Variants in NTM observed in about 807,000 individuals in gnomAD.
NTM encodes IgLON family member 2.
Under a neutral mutation model 42.1 loss-of-function variants are expected in NTM, and 13 were observed. That is an observed-to-expected ratio of 0.31 (90% CI 0.20 to 0.49). The LOEUF (loss-of-function observed/expected upper bound fraction) is 0.49. NTM is among the 20% of genes least tolerant of loss of function. The probability of loss-of-function intolerance (pLI) is 0.99; values close to 1 mark genes in which losing one functional copy is unlikely to be tolerated. For missense variants in NTM, 373 were observed against 452.8 expected, an observed-to-expected ratio of 0.82 and a Z score of 1.60; for synonymous variants, 187 against 179.2, an observed-to-expected ratio of 1.04 and a Z score of -0.35.
chr11:132,314,250 CT>C (rs2095363997), intron 6 of NTM, among the ~76,000 whole-genome samples: 1 of 152,198 alleles, frequency 6.6e-6, no homozygotes, highest in African/African-American at 2.4e-5. Flanking sequence ...TGCCACACAG[CT>C]GGCAGGGGTT....
At chr11:132,297,564 C>T (rs1035886575) in intron 4 of NTM, among the ~76,000 whole-genome samples, 2 of 152,186 alleles carry the variant, frequency 1.3e-5, no homozygotes, top group Non-Finnish European at 2.9e-5. Context: ...CTCCCCAGAT[C>T]GATATATCTA....
intron 1 of NTM, among the ~76,000 whole-genome samples, chr11:131,780,567 A>T (rs951769972): frequency 6.6e-6 from 1 of 152,198 alleles, no homozygotes; most frequent in Admixed American, 6.5e-5. Flanking sequence ...TTATCAGAAG[A>T]CATGAGAGCG....
At chr11:132,251,564 G>A (rs992561808) in intron 4 of NTM, among the ~76,000 whole-genome samples, 57 of 152,278 alleles carry the variant, frequency 3.7e-4, no homozygotes, top group African/African-American at 1.3e-3. Flanking sequence ...TGAGGAAAGG[G>A]CAAGGCATGT....
rs1044795402 is a variant in NTM, at chr11:131,909,475, A to G, written c.83-2089A>G. Among the ~76,000 whole-genome samples, 4 of 152,334 alleles carry G rather than the reference A, an allele frequency of 2.6e-5. No homozygotes were observed. In the East Asian group the frequency reaches 7.7e-4, roughly 29 times the overall value. On this transcript the variant is annotated intron_variant, in intron 1 of 8. Coordinates refer to ENST00000683400, the MANE Select transcript of NTM (RefSeq NM_001352005.2). ...AACAGTTGTTAACAACAACAACAAC[A>G]AAAAGCTTCCTGGTTGTGTTTGATA...
intron 4 of NTM, among the ~76,000 whole-genome samples, chr11:132,285,930 A>G (rs929756543): frequency 2.0e-5 from 3 of 152,180 alleles, no homozygotes; most frequent in African/African-American, 7.2e-5. Flanking sequence ...TGGCTGCATC[A>G]TGAGAAAAAT....
At chr11:131,742,675 G>T (rs867463995) in intron 1 of NTM, among the ~76,000 whole-genome samples, 11 of 152,274 alleles carry the variant, frequency 7.2e-5, no homozygotes, top group African/African-American at 2.4e-4. Flanking sequence ...AATAGGGAAA[G>T]TCTGGTAAAC....
At chr11:131,889,406 C>T (rs2050906077) in intron 1 of NTM, among the ~76,000 whole-genome samples, 1 of 152,220 alleles carries the variant, frequency 6.6e-6, no homozygotes, top group African/African-American at 2.4e-5. Context: ...TGGCCTCACA[C>T]ATCACGCCTG....
intron 1 of NTM, among the ~76,000 whole-genome samples, chr11:131,420,449 T>G (rs1947386780): frequency 6.6e-6 from 1 of 152,206 alleles, no homozygotes; most frequent in Non-Finnish European, 1.5e-5. Flanking sequence ...CCTCGGCATT[T>G]CAGAACCGTA....
Position 131,494,175 on chromosome 11 carries a change from GTTA to G in NTM, c.82+123299_82+123301del, listed in dbSNP as rs904957547. 2.8e-3 allele frequency among the ~76,000 whole-genome samples: 421 copies of G among 152,104 alleles called. 4 individuals carry two copies. The highest frequency in any genetic ancestry group is 8.9e-3 in the African/African-American group (371 of 41,496). On this transcript the variant is annotated intron_variant, in intron 1 of 8. Transcript: ENST00000683400. ...AAAATGTAAACAAATTGTTACTATT[GTTA>G]TTATTATTATTTTCATCATCAGTTT...
chr11:131,485,952 A>G (rs1371033005), intron 1 of NTM, among the ~76,000 whole-genome samples: 1 of 152,126 alleles, frequency 6.6e-6, no homozygotes, highest in Non-Finnish European at 1.5e-5. Context: ...CCTTGGGCAA[A>G]TTATTTCTTT....
chr11:131,869,649 A>G (rs2047574889), intron 1 of NTM, among the ~76,000 whole-genome samples: 1 of 152,264 alleles, frequency 6.6e-6, no homozygotes, highest in Non-Finnish European at 1.5e-5. Flanking sequence ...ATAGACTTTT[A>G]GAAACAGAAG....
At chr11:131,694,221 G>A (rs1250202256) in intron 1 of NTM, among the ~76,000 whole-genome samples, 1 of 152,212 alleles carries the variant, frequency 6.6e-6, no homozygotes, top group Non-Finnish European at 1.5e-5. Context: ...TAGGAGAATT[G>A]TTCAATAAGG....
chr11:132,050,548 G>A (rs900789313), intron 2 of NTM, among the ~76,000 whole-genome samples: 3 of 152,172 alleles, frequency 2.0e-5, no homozygotes, highest in African/African-American at 7.2e-5. Flanking sequence ...GGAGACAGGC[G>A]AAAACATGCA....
chr11:132,253,206 A>AC (rs1179517219), intron 4 of NTM, among the ~76,000 whole-genome samples: 1 of 151,758 alleles, frequency 6.6e-6, no homozygotes, highest in Admixed American at 6.6e-5. Flanking sequence ...GATGATAATG[A>AC]CCCCCCATTT....
rs61627120 is a variant in NTM, at chr11:131,972,042, C to CAAAAAAAAAAAAAA, written c.167+60402_167+60415dup. The stretch of plus-strand genomic sequence containing the variant: ...TGGGCGACAGAGTGAGACTCCGTCT[C>CAAAAAAAAAAAAAA]AAAAAAAAAAAAAAAAAAAAATTAG... On this transcript the variant is annotated intron_variant, in intron 2 of 8. Transcript: ENST00000683400. Among the ~76,000 whole-genome samples the CAAAAAAAAAAAAAA allele has an allele frequency of 2.2e-3, 129 of 57,808 alleles. 12 individuals carry two copies. Among genetic ancestry groups the CAAAAAAAAAAAAAA allele is most frequent in the African/African-American group, 3.9e-3 (58 of 14,808 alleles). The allele number at this position is 57,808 out of a possible 152,430, so 37.9% of individuals were successfully genotyped here. A position where few individuals can be genotyped will look rare whatever the true frequency, so the allele number is the denominator to read the frequency against.
chr11:131,821,089 G>A (rs1047339372), intron 1 of NTM, among the ~76,000 whole-genome samples: 6 of 151,296 alleles, frequency 4.0e-5, no homozygotes, highest in African/African-American at 1.2e-4. Context: ...CATTTCACAC[G>A]CAAGTACAAA....
At chr11:131,440,747 G>T (rs1432600496) in intron 1 of NTM, among the ~76,000 whole-genome samples, 7 of 138,204 alleles carry the variant, frequency 5.1e-5, no homozygotes, top group Non-Finnish European at 1.1e-4. Flanking sequence ...GTGACGGAAT[G>T]TAACTCTTCC....
At chr11:131,482,331 T>C (rs1162752251) in intron 1 of NTM, among the ~76,000 whole-genome samples, 1 of 152,188 alleles carries the variant, frequency 6.6e-6, no homozygotes, top group African/African-American at 2.4e-5. Flanking sequence ...ATAGCAGATC[T>C]CAACACACTC....
intron 1 of NTM, among the ~76,000 whole-genome samples, chr11:131,549,507 A>G (rs1476456320): frequency 6.6e-6 from 1 of 152,216 alleles, no homozygotes; most frequent in Admixed American, 6.5e-5. Context: ...AATCTTTCAT[A>G]CATATTATCC....
Sources: gnomAD v4.1 joint callset for allele counts (sites outside exome capture counted in the v4.1 genomes callset) on GRCh38, gnomAD v4.1.1 for gene constraint, MANE v1.5 for transcripts, NCBI Gene and HGNC (gene_info 2026-07-23, HGNC 2026-07-21) for gene names.